DGKB: variants seen among roughly 807,000 people sequenced by gnomAD.
DGKB encodes 90 kDa diacylglycerol kinase.
Under a neutral mutation model 114.3 loss-of-function variants are expected in DGKB, and 67 were observed. The observed-to-expected ratio is 0.59, with a 90% CI of 0.48 to 0.72. DGKB has a LOEUF of 0.72. Among genes scored for constraint, DGKB ranks in the 30% least tolerant of loss-of-function variants. The pLI, the probability that DGKB is intolerant of heterozygous loss-of-function variation, is 0.00. For synonymous variants in DGKB, 398 were observed against 323.1 expected (o/e 1.23, Z -2.49); for missense variants, 907 against 975.2 (o/e 0.93, Z 0.93).
chr7:14,459,166 G>A (rs1319864326), intron 21 of DGKB, among the ~76,000 whole-genome samples: 1 of 152,078 alleles, frequency 6.6e-6, no homozygotes, highest in African/African-American at 2.4e-5. Context: ...CCTCCTCTCT[G>A]GGCAAGGCAT....
intron 2 of DGKB, among the ~76,000 whole-genome samples, chr7:14,769,254 G>GAAAGAAAGAAAGAAA (rs1475172940): frequency 8.1e-6 from 1 of 124,116 alleles, no homozygotes; most frequent in Non-Finnish European, 1.6e-5. Flanking sequence ...AAGAAAGAAA[G>GAAAGAAAGAAAGAAA]AAAGAAAGAA....
intron 14 of DGKB, among the ~76,000 whole-genome samples, chr7:14,624,704 A>G (rs1808255876): frequency 6.6e-6 from 1 of 152,262 alleles, no homozygotes; most frequent in African/African-American, 2.4e-5. Flanking sequence ...ACAATCAGAA[A>G]TAATACAAAC....
At chr7:14,830,534 T>C (rs1033735632) in intron 2 of DGKB, among the ~76,000 whole-genome samples, 8 of 152,128 alleles carry the variant, frequency 5.3e-5, no homozygotes, top group African/African-American at 1.9e-4. Flanking sequence ...CCTGATATCC[T>C]ACCCCAAAGC....
chr7:14,155,797 G>T (rs1239798884), intron 25 of DGKB, among the ~76,000 whole-genome samples: 2 of 152,072 alleles, frequency 1.3e-5, no homozygotes, highest in Non-Finnish European at 2.9e-5. Context: ...AAAGAGAAGC[G>T]TTTTTGGTAG....
chr7:14,658,951 G>A (rs1225384099), intron 13 of DGKB, among the ~76,000 whole-genome samples: 1 of 151,828 alleles, frequency 6.6e-6, no homozygotes, highest in Non-Finnish European at 1.5e-5. Flanking sequence ...TGCGCAGAAT[G>A]TGCAGGTTTG....
chr7:14,532,636 T>A (rs552380862), intron 20 of DGKB, among the ~76,000 whole-genome samples: 2 of 151,588 alleles, frequency 1.3e-5, no homozygotes, highest in South Asian at 2.1e-4. Flanking sequence ...CCAAAATGCA[T>A]GAAGTGAAAA....
intron 21 of DGKB, among the ~76,000 whole-genome samples, chr7:14,465,646 A>T (rs1833721863): frequency 6.6e-6 from 1 of 152,166 alleles, no homozygotes; most frequent in African/African-American, 2.4e-5. Flanking sequence ...TGATTAGAAA[A>T]TTGGGGCATG....
At chr7:14,333,346 A>G (rs1297325998) in intron 23 of DGKB, among the ~76,000 whole-genome samples, 3 of 151,760 alleles carry the variant, frequency 2.0e-5, no homozygotes, top group Non-Finnish European at 4.4e-5. Context: ...CTGCAGTCCC[A>G]GCTACTCTGG....
At chr7:14,217,031 G>T (rs949056450) in intron 23 of DGKB, among the ~76,000 whole-genome samples, 1 of 151,976 alleles carries the variant, frequency 6.6e-6, no homozygotes, top group Non-Finnish European at 1.5e-5. Context: ...CTAGGATCTT[G>T]TTTCATCTCA....
intron 23 of DGKB, among the ~76,000 whole-genome samples, chr7:14,265,714 T>C (rs1043579774): frequency 3.3e-5 from 5 of 152,168 alleles, no homozygotes; most frequent in African/African-American, 1.2e-4. Flanking sequence ...ACTGTGTCTG[T>C]TTTTCAATAT....
At chr7:14,169,346 C>T (rs1420888146) in intron 25 of DGKB, among the ~76,000 whole-genome samples, 9 of 129,016 alleles carry the variant, frequency 7.0e-5, no homozygotes, top group Non-Finnish European at 1.1e-4. Flanking sequence ...GCCTGGGCAA[C>T]AGAGCGAGAC....
intron 20 of DGKB, among the ~76,000 whole-genome samples, chr7:14,483,060 T>C (rs2128915752): frequency 6.6e-6 from 1 of 152,254 alleles, no homozygotes; most frequent in East Asian, 1.9e-4. Flanking sequence ...TTCTCTGCTA[T>C]ATTAGTTTTT....
chr7:14,398,075 G>T (rs756189179), intron 21 of DGKB, among the ~76,000 whole-genome samples: 1 of 152,012 alleles, frequency 6.6e-6, no homozygotes. Flanking sequence ...GATGTTTTAC[G>T]CATTGGAGAA....
In DGKB at chr7:14,455,854, G is replaced by A. The variant is rs145907140; in HGVS notation, c.1835+22307C>T. Among the ~76,000 whole-genome samples the A allele has an allele frequency of 1.6e-4, 25 of 152,068 alleles. No individual in the cohort carries two copies. In the Middle Eastern group the frequency reaches 0.01, roughly 62 times the overall value. On this transcript the variant is annotated intron_variant, in intron 21 of 25. Coordinates refer to ENST00000402815, the MANE Select transcript of DGKB (RefSeq NM_001350709.2). ...GGGTTTAAGAACTTTAAGACAACGG[G>A]CTAAAATCAACTCCAAGGCAATGAA...
intron 1 of DGKB, among the ~76,000 whole-genome samples, chr7:14,923,349 A>C (rs557070499): frequency 6.6e-6 from 1 of 152,192 alleles, no homozygotes; most frequent in East Asian, 1.9e-4. Context: ...CTCCAATCAG[A>C]TATCTATGAG....
chr7:14,389,006 T>C (rs541045193), intron 21 of DGKB, among the ~76,000 whole-genome samples: 3 of 152,366 alleles, frequency 2.0e-5, no homozygotes, highest in East Asian at 3.9e-4. Flanking sequence ...CCTTTCATGA[T>C]AGCCTCCTCA....
In DGKB at chr7:14,566,314, T is replaced by C. The variant is rs536453879; in HGVS notation, c.1770+7898A>G. 7.9e-5 allele frequency among the ~76,000 whole-genome samples: 12 copies of C among 152,244 alleles called. No individual in the cohort carries two copies. In the South Asian group the frequency reaches 2.5e-3, roughly 32 times the overall value. ...GTTTTTACTCTAAATAAACTGAAAC[T>C]GAAAATAATAGATGGTTTATTATGG... On this transcript the variant is annotated intron_variant, in intron 20 of 25. Transcript: ENST00000402815.
At chr7:14,289,936 T>A (rs1801494072) in intron 23 of DGKB, among the ~76,000 whole-genome samples, 1 of 152,202 alleles carries the variant, frequency 6.6e-6, no homozygotes, top group Non-Finnish European at 1.5e-5. Context: ...TGCTTGTTAC[T>A]TCAGGTGGTT....
chr7:14,355,388 C>T (rs1474926794), intron 21 of DGKB, among the ~76,000 whole-genome samples: 3 of 152,182 alleles, frequency 2.0e-5, no homozygotes, highest in African/African-American at 7.2e-5. Flanking sequence ...AGTTTTTGCT[C>T]ATTCAGTATG....
Sources: gnomAD v4.1 joint callset for allele counts (sites outside exome capture counted in the v4.1 genomes callset) on GRCh38, gnomAD v4.1.1 for gene constraint, MANE v1.5 for transcripts, NCBI Gene and HGNC (gene_info 2026-07-23, HGNC 2026-07-21) for gene names.